Variants in NBPF15 observed in about 807,000 individuals in gnomAD.
The protein encoded by NBPF15 is NBPF family member NBPF15.
Under a neutral mutation model 62.2 loss-of-function variants are expected in NBPF15, and 74 were observed. The ratio of observed to expected loss-of-function variants is 1.19; its 90% CI spans 0.99 to 1.44. The LOEUF is 1.44. NBPF15 is among the 40% of genes most tolerant of loss of function. The pLI, the probability that NBPF15 is intolerant of heterozygous loss-of-function variation, is 0.00. For missense variants in NBPF15, 790 were observed against 550.0 expected (o/e 1.44, Z -4.36); for synonymous variants, 244 against 209.7 (o/e 1.16, Z -1.41).
At chr1:144,424,616 C>T (rs1174664795) in intron 20 of NBPF15, 74 bp downstream of exon 20, 10 of 659,926 alleles carry the variant, frequency 1.5e-5, no homozygotes, top group South Asian at 9.4e-5. Context: ...CAGTAATGGC[C>T]AATTGGAGCA....
intron 6 of NBPF15, among the ~76,000 whole-genome samples, chr1:144,441,538 ATT>A (rs1196421710): frequency 6.7e-6 from 1 of 149,432 alleles, no homozygotes; most frequent in Non-Finnish European, 1.5e-5. Flanking sequence ...ATACATACAT[ATT>A]TTTTGCTGTA....
At chr1:144,437,502 T>A (rs587608715) in intron 9 of NBPF15, among the ~76,000 whole-genome samples, 30 of 145,288 alleles carry the variant, frequency 2.1e-4, no homozygotes, top group African/African-American at 7.2e-4. Flanking sequence ...CAGGTGCAGA[T>A]GGGGTGAATT....
At chr1:144,429,437 C>T (rs1425692724) in intron 14 of NBPF15, among the ~76,000 whole-genome samples, 24 of 151,364 alleles carry the variant, frequency 1.6e-4, no homozygotes, top group Admixed American at 6.6e-5. Flanking sequence ...GTTTGCCACA[C>T]CTGCCTTGAG....
chr1:144,429,323 G>T (rs1672471464), intron 14 of NBPF15, among the ~76,000 whole-genome samples: 1 of 150,050 alleles, frequency 6.7e-6, no homozygotes, highest in South Asian at 2.1e-4. Flanking sequence ...ACATGCTTTG[G>T]GAACAAAACT....
chr1:144,429,043 G>C (rs1311366560), intron 14 of NBPF15, among the ~76,000 whole-genome samples: 16 of 152,066 alleles, frequency 1.1e-4, no homozygotes, highest in South Asian at 2.1e-4. Flanking sequence ...TGTGGACACA[G>C]AGATTTGATG....
At position 144,435,163 on chromosome 1, in the gene NBPF15, G is replaced by T. The variant is rs9438152; in HGVS notation, c.720C>A (p.Leu240=). The T allele has an allele frequency of 4.3e-6, 7 of 1,612,936 alleles. No homozygotes were observed. The African/African-American group carries it at 6.7e-5, about 15-fold the overall frequency. ...ATTCAACATGAGAGGATGAGCCAAT[G>T]AGAGTTGAGTCGACTTTGTCTTCCT... ...TFEEDKVDST[L]IGSSSHVEWE... Residue 240 remains leucine, a synonymous_variant, in exon 12 of 22, where the codon CTC becomes CTA. Coordinates refer to ENST00000581897, the MANE Select transcript of NBPF15 (RefSeq NM_001385408.1).
intron 12 of NBPF15, 121 bp downstream of exon 12, chr1:144,434,990 T>A (rs1367474330): frequency 6.3e-7 from 1 of 1,575,354 alleles, no homozygotes. Context: ...CTCCCTGATA[T>A]CTGTTTAGAA....
chr1:144,434,813 C>T (rs587700240), intron 12 of NBPF15, among the ~76,000 whole-genome samples: 6 of 152,048 alleles, frequency 3.9e-5, no homozygotes, highest in African/African-American at 1.4e-4. Context: ...GACTTAATCA[C>T]AGATGACAAG....
chr1:144,432,201 G>A (rs1553540318), intron 13 of NBPF15, among the ~76,000 whole-genome samples: 3 of 151,902 alleles, frequency 2.0e-5, no homozygotes, highest in African/African-American at 4.8e-5. Context: ...TTCATATCCA[G>A]CCAAACAAAG....
chr1:144,436,452 C>A (rs1303933985), intron 10 of NBPF15, among the ~76,000 whole-genome samples: 1 of 151,846 alleles, frequency 6.6e-6, no homozygotes, highest in Non-Finnish European at 1.5e-5. Context: ...CATTTGAATG[C>A]TTCAGACCCT....
intron 6 of NBPF15, among the ~76,000 whole-genome samples, chr1:144,444,661 C>A (rs1468447065): frequency 1.3e-5 from 2 of 151,910 alleles, no homozygotes; most frequent in Admixed American, 6.6e-5. Flanking sequence ...CTTCCACATA[C>A]ACATATAGCT....
chr1:144,432,868 AC>A (rs1359727510), intron 13 of NBPF15, among the ~76,000 whole-genome samples: 7 of 151,902 alleles, frequency 4.6e-5, no homozygotes, highest in African/African-American at 1.5e-4. Context: ...AGACTTTAAC[AC>A]CCCACTGTCA....
At chr1:144,434,434 G>C (rs1157558883) in intron 12 of NBPF15, among the ~76,000 whole-genome samples, 1 of 148,160 alleles carries the variant, frequency 6.7e-6, no homozygotes, top group Non-Finnish European at 1.5e-5. Flanking sequence ...CTGGGAGGGA[G>C]AGGTTGCACC....
intron 16 of NBPF15, among the ~76,000 whole-genome samples, chr1:144,427,507 T>G (rs1489295673): frequency 6.7e-6 from 1 of 149,266 alleles, no homozygotes; most frequent in Non-Finnish European, 1.5e-5. Context: ...GGATGAAATC[T>G]ACAAGATCTA....
At position 144,423,018 on chromosome 1, in the gene NBPF15, G is replaced by A; in HGVS notation, c.2008C>T (p.Gln670Ter). The change falls in exon 22 of 22, where the codon CAA becomes TAA. Residue 670 changes from glutamine to a stop codon, truncating the protein, a stop_gained. Coordinates refer to ENST00000581897, the MANE Select transcript of NBPF15 (RefSeq NM_001385408.1). LOFTEE classifies it high-confidence loss of function. Reference protein sequence around the residue: ...LVFQMGVIFPQ With the variant: ...LVFQMGVIFP ...CTCGGCTTAGTAAGAGCTGCTTATTGTGGGAATATGACTCCCATCTGGAAC... is the reference window on the plus strand; with the variant it reads ...CTCGGCTTAGTAAGAGCTGCTTATTATGGGAATATGACTCCCATCTGGAAC... 1 of 1,611,626 alleles carries A rather than the reference G, an allele frequency of 6.2e-7. No homozygotes were observed. Among genetic ancestry groups the A allele is most frequent in the Non-Finnish European group, 8.5e-7 (1 of 1,179,642 alleles).
intron 17 of NBPF15, 64 bp from the exon 18 acceptor site, chr1:144,426,514 A>G (rs1354681704): frequency 1.9e-5 from 15 of 778,036 alleles, no homozygotes; most frequent in African/African-American, 8.5e-5. Context: ...AGCCCCAGCT[A>G]GATTTCATGG....
At chr1:144,440,584 T>G (rs1682035402) in intron 6 of NBPF15, 1 of 223,852 alleles carries the variant, frequency 4.5e-6, no homozygotes, top group South Asian at 1.4e-4. Context: ...TATATTTTCT[T>G]AATGGTAGTC....
rs4619027 is a variant in NBPF15 at position 144,433,132 on chromosome 1, C to T, written c.824+641G>A. The stretch of plus-strand genomic sequence containing the variant: ...GACCACAGTGCCATCAAATTAGAAC[C>T]CAGGATTAAGAAACTCACTCAAAAC... On this transcript the variant is annotated intron_variant, in intron 13 of 21. Coordinates refer to ENST00000581897, the MANE Select transcript of NBPF15 (RefSeq NM_001385408.1). Among the ~76,000 whole-genome samples, 404 of 151,984 alleles carry T rather than the reference C, an allele frequency of 2.7e-3. 7 individuals are homozygous for T. The highest frequency in any genetic ancestry group is 4.2e-3 in the Non-Finnish European group (286 of 67,924).
In NBPF15 at chr1:144,422,571, G is replaced by T. The variant is rs1666522370; in HGVS notation, c.*442C>A. 4.6e-6 allele frequency: 1 copy of T among 215,658 alleles called. No individual in the cohort carries two copies. Among genetic ancestry groups the T allele is most frequent in the Non-Finnish European group, 8.3e-6 (1 of 120,284 alleles). 13.4% of individuals were successfully genotyped at this position (215,658 alleles called of 1,614,324 possible). ...AAGGATCCCTCCTGTGTTACAGATGGATCAGCTAAAACAAGCCAACACTGA... is the reference window on the plus strand; with the variant it reads ...AAGGATCCCTCCTGTGTTACAGATGTATCAGCTAAAACAAGCCAACACTGA... On this transcript the variant is annotated 3_prime_UTR_variant, in exon 22 of 22. Transcript: ENST00000581897.
Sources: allele counts gnomAD v4.1 joint callset (sites outside exome capture counted in the v4.1 genomes callset), GRCh38; gene constraint gnomAD v4.1.1; transcripts MANE v1.5; gene names NCBI Gene and HGNC (gene_info 2026-07-23, HGNC 2026-07-21).